Variants in ADAM12 observed in about 807,000 individuals in gnomAD.
ADAM12 encodes the protein ADAM metallopeptidase domain 12, also known as disintegrin and metalloproteinase domain-containing protein 12.
A neutral mutation model predicts 106.4 loss-of-function variants in ADAM12; 70 were observed. That is an observed-to-expected ratio of 0.66 (90% CI 0.54 to 0.80). The LOEUF is 0.80. Ranked by LOEUF, ADAM12 falls within the 30% of genes least tolerant of loss-of-function variation. ADAM12 has a pLI of 0.00. For missense variants in ADAM12, 1,010 were observed against 1,171.9 expected (o/e 0.86, Z 2.02); for synonymous variants, 420 against 433.5 (o/e 0.97, Z 0.39).
chr10:126,017,356 G>C lies in ADAM12; in HGVS notation c.2661-17C>G. The C allele has an allele frequency of 6.5e-7, 1 of 1,543,154 alleles. No homozygotes were observed. The highest frequency in any genetic ancestry group is 1.2e-5 in the South Asian group (1 of 82,820). On this transcript the variant is annotated splice_polypyrimidine_tract_variant and intron_variant, in intron 22 of 22. Coordinates refer to ENST00000448723, the MANE Select transcript of ADAM12 (RefSeq NM_001288973.2). ...GGAGCAGGTCTGAATGAAGAGAGGA[G>C]AAAAAAAAATGATCAGAGACCTTGA...
intron 5 of ADAM12, among the ~76,000 whole-genome samples, chr10:126,122,416 A>C (rs1956131423): frequency 6.6e-6 from 1 of 152,144 alleles, no homozygotes; most frequent in Non-Finnish European, 1.5e-5. Context: ...TAGGTAGGAG[A>C]GGATTTTTGT....
chr10:126,035,708 G>A (rs1000545244), intron 21 of ADAM12, among the ~76,000 whole-genome samples: 3 of 152,046 alleles, frequency 2.0e-5, no homozygotes, highest in Admixed American at 6.5e-5. Context: ...AGTTTGGTAC[G>A]GAGACACTCT....
chr10:126,313,631 C>A (rs933684602), intron 2 of ADAM12, among the ~76,000 whole-genome samples: 2 of 152,284 alleles, frequency 1.3e-5, no homozygotes, highest in East Asian at 1.9e-4. Flanking sequence ...GTCCATCCAG[C>A]CATCTATCCA....
intron 2 of ADAM12, among the ~76,000 whole-genome samples, chr10:126,316,648 G>A (rs1199603531): frequency 2.0e-5 from 3 of 152,026 alleles, no homozygotes; most frequent in Non-Finnish European, 4.4e-5. Context: ...CTTGAGCTCA[G>A]GAGTTTGAGA....
chr10:126,310,626 G>A (rs1961041123), intron 2 of ADAM12, among the ~76,000 whole-genome samples: 1 of 152,116 alleles, frequency 6.6e-6, no homozygotes, highest in Non-Finnish European at 1.5e-5. Flanking sequence ...AAAGGCAGGT[G>A]GGTGCAGAGG....
intron 2 of ADAM12, among the ~76,000 whole-genome samples, chr10:126,316,783 C>CAAA (rs376131530): frequency 1.2e-5 from 1 of 82,762 alleles, no homozygotes; most frequent in Admixed American, 1.2e-4. Flanking sequence ...GACCCTATCT[C>CAAA]AAAAAAAAAA....
intron 1 of ADAM12, among the ~76,000 whole-genome samples, chr10:126,335,705 C>A (rs934498715): frequency 6.6e-6 from 1 of 152,100 alleles, no homozygotes; most frequent in Non-Finnish European, 1.5e-5. Flanking sequence ...CACAAAAGAA[C>A]CAATAGCAAA....
intron 6 of ADAM12, 90 bp downstream of exon 6, chr10:126,117,948 T>C (rs373223968): frequency 6.9e-7 from 1 of 1,443,044 alleles, no homozygotes; most frequent in Non-Finnish European, 9.6e-7. Flanking sequence ...ATCATCTAGA[T>C]GGCAACATTT....
At chr10:126,277,223 T>C (rs1489320532) in intron 3 of ADAM12, among the ~76,000 whole-genome samples, 1 of 152,208 alleles carries the variant, frequency 6.6e-6, no homozygotes, top group Admixed American at 6.5e-5. Context: ...CCCCCTATAA[T>C]GTTCAGTTTT....
chr10:126,072,304 G>T (rs1485970609), intron 11 of ADAM12, among the ~76,000 whole-genome samples: 5 of 152,146 alleles, frequency 3.3e-5, no homozygotes, highest in African/African-American at 1.2e-4. Context: ...GTGTGGCAGG[G>T]TCAGCCAACT....
chr10:126,319,184 G>A (rs1854004770), intron 2 of ADAM12, among the ~76,000 whole-genome samples: 1 of 152,144 alleles, frequency 6.6e-6, no homozygotes, highest in South Asian at 2.1e-4. Context: ...ACATGCATGA[G>A]AATTCCAAAT....
At chr10:126,224,276 A>C (rs1430061940) in intron 3 of ADAM12, among the ~76,000 whole-genome samples, 7 of 152,094 alleles carry the variant, frequency 4.6e-5, no homozygotes, top group Non-Finnish European at 8.8e-5. Flanking sequence ...CAGGTCCTGC[A>C]GGCTCCAAGC....
chr10:126,375,011 A>G (rs1288033743), intron 1 of ADAM12, among the ~76,000 whole-genome samples: 2 of 152,220 alleles, frequency 1.3e-5, no homozygotes, highest in Non-Finnish European at 2.9e-5. Context: ...ATTAAATGAA[A>G]GACTCCTTAA....
At chr10:126,230,218 A>T (rs1958283226) in intron 3 of ADAM12, among the ~76,000 whole-genome samples, 1 of 152,178 alleles carries the variant, frequency 6.6e-6, no homozygotes, top group Non-Finnish European at 1.5e-5. Flanking sequence ...CCTCAGATGC[A>T]GGGTACACTC....
intron 1 of ADAM12, among the ~76,000 whole-genome samples, chr10:126,345,302 T>A (rs912689970): frequency 3.3e-5 from 5 of 152,238 alleles, no homozygotes; most frequent in African/African-American, 1.2e-4. Flanking sequence ...TTGTCTTTGG[T>A]TCTGTTTATA....
In ADAM12 at chr10:126,015,535, T is replaced by TG. The variant is rs1953646933; in HGVS notation, c.*1743dup. On this transcript the variant is annotated 3_prime_UTR_variant, in exon 23 of 23. Coordinates refer to ENST00000448723, the MANE Select transcript of ADAM12 (RefSeq NM_001288973.2). ...ATAAACAGATGCATGCTATACGAGT[T>TG]GGAATGTATTAGAGCTGGGTTCCCT... 6.6e-6 allele frequency: 1 copy of TG among 152,176 alleles called. No homozygotes were observed. Among genetic ancestry groups the TG allele is most frequent in the Admixed American group, 6.5e-5 (1 of 15,276 alleles). The allele number at this position is 152,176 out of a possible 1,614,324, so 9.4% of individuals were successfully genotyped here.
chr10:126,354,165 T>G (rs913328750), intron 1 of ADAM12, among the ~76,000 whole-genome samples: 6 of 152,148 alleles, frequency 3.9e-5, no homozygotes, highest in African/African-American at 1.2e-4. Context: ...GACAAGTAAT[T>G]TGGCCTTCCA....
At chr10:126,140,107 A>T (rs1406281652) in intron 4 of ADAM12, among the ~76,000 whole-genome samples, 1 of 152,192 alleles carries the variant, frequency 6.6e-6, no homozygotes, top group Non-Finnish European at 1.5e-5. Context: ...AGCTGCTGTT[A>T]GGATTTTGGC....
At chr10:126,151,207 G>A (rs1280774484) in intron 4 of ADAM12, among the ~76,000 whole-genome samples, 1 of 152,110 alleles carries the variant, frequency 6.6e-6, no homozygotes, top group African/African-American at 2.4e-5. Flanking sequence ...CTAAGACAAT[G>A]CAATGCTAGA....
Sources: gnomAD v4.1 joint callset for allele counts (sites outside exome capture counted in the v4.1 genomes callset) on GRCh38, gnomAD v4.1.1 for gene constraint, MANE v1.5 for transcripts, NCBI Gene and HGNC (gene_info 2026-07-23, HGNC 2026-07-21) for gene names.